PHACTR1: variants seen among roughly 807,000 people sequenced by gnomAD.
PHACTR1 encodes the protein phosphatase and actin regulator 1, also known as RPEL repeat containing 1.
A neutral mutation model predicts 69.2 loss-of-function variants in PHACTR1; 16 were observed. That is an observed-to-expected ratio of 0.23 (90% CI 0.16 to 0.35). PHACTR1 has a LOEUF of 0.35. Ranked by LOEUF, PHACTR1 falls within the 10% of genes least tolerant of loss-of-function variation. The probability of loss-of-function intolerance (pLI) is 1.00; values close to 1 mark genes in which losing one functional copy is unlikely to be tolerated. For synonymous variants in PHACTR1, 312 were observed against 284.5 expected, an observed-to-expected ratio of 1.10 and a Z score of -0.97; for missense variants, 510 against 734.7, an observed-to-expected ratio of 0.69 and a Z score of 3.54.
chr6:13,032,583 A>G (rs879255801), intron 4 of PHACTR1, among the ~76,000 whole-genome samples: 3 of 152,094 alleles, frequency 2.0e-5, no homozygotes, highest in Non-Finnish European at 4.4e-5. Flanking sequence ...TTTGTCATAA[A>G]ATTTTTATTG....
intron 4 of PHACTR1, among the ~76,000 whole-genome samples, chr6:12,891,437 ATTAC>A: frequency 6.6e-6 from 1 of 152,338 alleles, no homozygotes; most frequent in Non-Finnish European, 1.5e-5. Context: ...TGGTGCTGTC[ATTAC>A]TTAGATTGAG....
At chr6:12,772,709 G>A (rs1377660482) in intron 4 of PHACTR1, among the ~76,000 whole-genome samples, 4 of 152,130 alleles carry the variant, frequency 2.6e-5, no homozygotes. Context: ...TATACTAATT[G>A]AGCTTAAGTG....
chr6:13,196,798 C>T (rs183975932), intron 7 of PHACTR1, among the ~76,000 whole-genome samples: 200 of 152,324 alleles, frequency 1.3e-3, no homozygotes, highest in African/African-American at 4.6e-3. Context: ...TCTCCTGGAG[C>T]ATTTTGTGGT....
intron 4 of PHACTR1, among the ~76,000 whole-genome samples, chr6:13,006,670 C>T (rs748106864): frequency 6.6e-6 from 1 of 152,060 alleles, no homozygotes; most frequent in Non-Finnish European, 1.5e-5. Flanking sequence ...TACACACACA[C>T]ACACACACAC....
intron 10 of PHACTR1, among the ~76,000 whole-genome samples, chr6:13,264,565 C>A (rs1439392496): frequency 6.6e-6 from 1 of 151,956 alleles, no homozygotes; most frequent in Non-Finnish European, 1.5e-5. Flanking sequence ...ACTAAAAATA[C>A]AAAAATTAGC....
intron 4 of PHACTR1, among the ~76,000 whole-genome samples, chr6:12,909,168 A>G (rs773584635): frequency 3.3e-5 from 5 of 152,124 alleles, no homozygotes; most frequent in Non-Finnish European, 5.9e-5. Flanking sequence ...TTTTTTTCTT[A>G]AAGACTCCAA....
At chr6:12,935,504 A>G (rs1789351017) in intron 4 of PHACTR1, among the ~76,000 whole-genome samples, 1 of 152,172 alleles carries the variant, frequency 6.6e-6, no homozygotes, top group African/African-American at 2.4e-5. Context: ...TCGGCCTCCC[A>G]AAGTGCTGGG....
chr6:13,122,483 G>A (rs1212456733), intron 5 of PHACTR1, among the ~76,000 whole-genome samples: 4 of 152,142 alleles, frequency 2.6e-5, no homozygotes, highest in Admixed American at 2.0e-4. Context: ...GTAGGTTAAC[G>A]TGTCCTGACA....
chr6:12,746,114 C>A (rs1316099674), intron 3 of PHACTR1, among the ~76,000 whole-genome samples: 2 of 151,396 alleles, frequency 1.3e-5, no homozygotes, highest in African/African-American at 4.9e-5. Context: ...GTTACGAAGA[C>A]TAAGGAAGGG....
At chr6:12,890,769 A>T (rs1333840693) in intron 4 of PHACTR1, among the ~76,000 whole-genome samples, 1 of 152,106 alleles carries the variant, frequency 6.6e-6, no homozygotes, top group African/African-American at 2.4e-5. Flanking sequence ...ACACTGCCCC[A>T]CCACACTTCT....
At chr6:13,001,606 A>C (rs1368304572) in intron 4 of PHACTR1, among the ~76,000 whole-genome samples, 1 of 152,220 alleles carries the variant, frequency 6.6e-6, no homozygotes, top group Non-Finnish European at 1.5e-5. Flanking sequence ...AGTTTCTCCC[A>C]GAAAAGGTCA....
At chr6:13,125,590 A>T (rs1418521941) in intron 5 of PHACTR1, among the ~76,000 whole-genome samples, 1 of 152,220 alleles carries the variant, frequency 6.6e-6, no homozygotes, top group Admixed American at 6.5e-5. Flanking sequence ...AAAGAATTTA[A>T]ATTAAAAATC....
chr6:13,087,896 C>G (rs1812574257), intron 5 of PHACTR1, among the ~76,000 whole-genome samples: 1 of 152,100 alleles, frequency 6.6e-6, no homozygotes, highest in Non-Finnish European at 1.5e-5. Context: ...GTCCTCCCAC[C>G]TTGGCCTCCC....
At chr6:13,161,884 A>G (rs1386211770) in intron 6 of PHACTR1, among the ~76,000 whole-genome samples, 21 of 152,234 alleles carry the variant, frequency 1.4e-4, no homozygotes, top group Admixed American at 1.1e-3. Context: ...GTGAAGGTGC[A>G]TGATTCCAAA....
chr6:12,837,248 A>G (rs1778258851), intron 4 of PHACTR1, among the ~76,000 whole-genome samples: 1 of 152,188 alleles, frequency 6.6e-6, no homozygotes, highest in Admixed American at 6.6e-5. Flanking sequence ...GTTTAGCTTA[A>G]AGGTCCATTT....
At chr6:12,980,961 AGATGCCT>A (rs1343708830) in intron 4 of PHACTR1, among the ~76,000 whole-genome samples, 2 of 152,258 alleles carry the variant, frequency 1.3e-5, no homozygotes, top group Non-Finnish European at 2.9e-5. Context: ...CGGGTTATAC[AGATGCCT>A]GGGGATGTGC....
chr6:13,206,465 C>T (rs1765939010), intron 8 of PHACTR1, among the ~76,000 whole-genome samples: 1 of 151,532 alleles, frequency 6.6e-6, no homozygotes, highest in African/African-American at 2.4e-5. Context: ...TCTAACAAAA[C>T]CAACTTAACC....
Position 13,283,343 on chromosome 6 carries a change from C to T in PHACTR1, c.1510-79C>T, listed in dbSNP as rs1780730661. 1.3e-6 allele frequency: 2 copies of T among 1,490,040 alleles called. No individual in the cohort carries two copies. The highest frequency in any genetic ancestry group is 2.8e-5 in the African/African-American group (2 of 71,978). The allele number at this position is 1,490,040 out of a possible 1,614,324, so 92.3% of individuals were successfully genotyped here. On this transcript the variant is annotated intron_variant, in intron 12 of 14. Coordinates refer to ENST00000332995, the MANE Select transcript of PHACTR1 (RefSeq NM_030948.6). This position sits in a 1 kb window ranked among gnomAD's most constrained non-coding sequence, Gnocchi z 4.7. ...GCCTCACTGAACCTTATTTTCCACA[C>T]CTGCAAGTTCACAGACAGGACCAAG... is the stretch of plus-strand genomic sequence containing the variant.
At chr6:13,274,755 A>G (rs1778537947) in intron 11 of PHACTR1, 1 of 152,200 alleles carries the variant, frequency 6.6e-6, no homozygotes, top group African/African-American at 2.4e-5. Flanking sequence ...ACCGCCATCA[A>G]CCAGGGAACT....
Sources: allele counts gnomAD v4.1 joint callset (sites outside exome capture counted in the v4.1 genomes callset), GRCh38; gene constraint gnomAD v4.1.1; non-coding constraint Gnocchi (gnomAD v3.1); transcripts MANE v1.5; gene names NCBI Gene and HGNC (gene_info 2026-07-23, HGNC 2026-07-21).